Variants in CSMD3 observed in about 807,000 individuals in gnomAD.
CSMD3 encodes CUB and sushi domain-containing protein 3.
CSMD3 carries 177 observed loss-of-function variants against 435.2 expected under a neutral mutation model. That is an observed-to-expected ratio of 0.41 (90% CI 0.36 to 0.46). The LOEUF (loss-of-function observed/expected upper bound fraction) is 0.46, where lower values mean the gene tolerates loss of function less well. CSMD3 is among the 20% of genes least tolerant of loss of function. The probability of loss-of-function intolerance (pLI) is 0.34; values close to 1 mark genes in which losing one functional copy is unlikely to be tolerated. For missense variants in CSMD3, 4,265 were observed against 4,504.6 expected, an observed-to-expected ratio of 0.95 and a Z score of 1.52; for synonymous variants, 1,656 against 1,520.5, an observed-to-expected ratio of 1.09 and a Z score of -2.07.
intron 5 of CSMD3, among the ~76,000 whole-genome samples, chr8:113,041,885 G>A (rs760957525): frequency 2.0e-5 from 3 of 152,028 alleles, no homozygotes; most frequent in African/African-American, 4.8e-5. Flanking sequence ...TTCAAAGTAG[G>A]AGATGAGATA....
At chr8:112,491,135 A>G (rs1299607334) in intron 31 of CSMD3, among the ~76,000 whole-genome samples, 5 of 152,326 alleles carry the variant, frequency 3.3e-5, no homozygotes. Flanking sequence ...AATTGGGCAC[A>G]TGTAATTCTT....
At chr8:112,323,568 G>T (rs1338855078) in intron 45 of CSMD3, among the ~76,000 whole-genome samples, 2 of 152,092 alleles carry the variant, frequency 1.3e-5, no homozygotes, top group African/African-American at 4.8e-5. Context: ...ACACAGGTAA[G>T]ATGGTCATGT....
intron 13 of CSMD3, among the ~76,000 whole-genome samples, chr8:112,793,793 AAAG>A (rs1237043699): frequency 1.5e-4 from 23 of 152,304 alleles, no homozygotes; most frequent in African/African-American, 4.3e-4. Flanking sequence ...GTGATTGGTA[AAAG>A]AAGAAGTCAC....
intron 10 of CSMD3, among the ~76,000 whole-genome samples, chr8:112,917,049 T>C (rs184829177): frequency 6.6e-6 from 1 of 152,072 alleles, no homozygotes; most frequent in East Asian, 1.9e-4. Flanking sequence ...CATTTTTCCA[T>C]TGTTTATAAA....
intron 13 of CSMD3, among the ~76,000 whole-genome samples, chr8:112,763,389 G>A (rs1323254886): frequency 1.3e-5 from 2 of 151,012 alleles, no homozygotes; most frequent in Non-Finnish European, 3.0e-5. Flanking sequence ...ATAGAATATT[G>A]TTAGATAAAT....
At chr8:112,777,958 G>A (rs2078286499) in intron 13 of CSMD3, among the ~76,000 whole-genome samples, 1 of 151,732 alleles carries the variant, frequency 6.6e-6, no homozygotes, top group African/African-American at 2.4e-5. Context: ...GCCACCTTAA[G>A]CTTTCCAATG....
At chr8:112,735,913 T>C (rs1187466833) in intron 13 of CSMD3, among the ~76,000 whole-genome samples, 1 of 152,052 alleles carries the variant, frequency 6.6e-6, no homozygotes, top group African/African-American at 2.4e-5. Flanking sequence ...TTCTCATTCA[T>C]GCATCATCAT....
chr8:113,056,349 T>G (rs1298153281), intron 5 of CSMD3, among the ~76,000 whole-genome samples: 2 of 151,926 alleles, frequency 1.3e-5, no homozygotes, highest in African/African-American at 4.8e-5. Context: ...TGCACCATCC[T>G]AGTTATCATA....
chr8:112,682,553 T>G lies in CSMD3; in HGVS notation c.2566A>C (p.Ile856Leu), dbSNP rs755607132. The change falls in exon 16 of 71, where the codon ATT (isoleucine) becomes CTT (leucine). Residue 856 changes from isoleucine to leucine, a missense_variant. Ile to Leu is a conservative substitution (Grantham distance 5). Coordinates refer to ENST00000297405, the MANE Select transcript of CSMD3 (RefSeq NM_198123.2). Reference sequence around the variant, plus strand: ...AATCCTTCTTCACAAATAACTGAAATTGAACTTCCTAATTGAAAGTTGTCC... The same window carrying G: ...AATCCTTCTTCACAAATAACTGAAAGTGAACTTCCTAATTGAAAGTTGTCC... Reference protein sequence around the residue: ...FGDNFQLGSSISVICEEGFIK... With the variant: ...FGDNFQLGSSLSVICEEGFIK... 9 of 1,613,478 alleles carry G rather than the reference T, an allele frequency of 5.6e-6. No individual in the cohort carries two copies. The highest frequency in any genetic ancestry group is 7.6e-6 in the Non-Finnish European group (9 of 1,179,548).
At chr8:113,009,575 T>G (rs1004270217) in intron 6 of CSMD3, among the ~76,000 whole-genome samples, 1 of 151,796 alleles carries the variant, frequency 6.6e-6, no homozygotes, top group African/African-American at 2.4e-5. Context: ...CACTTGGAAA[T>G]CTGACAGAGT....
chr8:112,503,611 C>T (rs1469882340), intron 30 of CSMD3, among the ~76,000 whole-genome samples, 179 bp downstream of exon 30: 4 of 152,210 alleles, frequency 2.6e-5, no homozygotes, highest in South Asian at 4.1e-4. Flanking sequence ...ATGCTAATTT[C>T]CTTCCCACTA....
chr8:113,435,480 A>G lies in CSMD3; in HGVS notation c.178+1197T>C, dbSNP rs897546824. 3.3e-5 allele frequency among the ~76,000 whole-genome samples: 5 copies of G among 152,280 alleles called. No individual in the cohort carries two copies. In the South Asian group the frequency reaches 6.2e-4, roughly 19 times the overall value. On this transcript the variant is annotated intron_variant, in intron 1 of 70. Transcript: ENST00000297405. ...GGGGGGACAGCCAGCTGCAAGCTGG[A>G]CAATAAACTGTTTCATAGAGACGCG...
chr8:113,336,394 T>G (rs886190178), intron 1 of CSMD3, among the ~76,000 whole-genome samples: 1 of 152,156 alleles, frequency 6.6e-6, no homozygotes, highest in African/African-American at 2.4e-5. Context: ...AAAATCTTTG[T>G]GAGATAATTT....
chr8:112,742,115 A>G (rs2077326290), intron 13 of CSMD3, among the ~76,000 whole-genome samples: 1 of 151,290 alleles, frequency 6.6e-6, no homozygotes, highest in East Asian at 1.9e-4. Context: ...TTCCACCTCC[A>G]CCCCCTCCGC....
At chr8:112,829,897 A>G (rs1239777983) in intron 11 of CSMD3, 108 bp from the exon 12 acceptor site, 2 of 392,616 alleles carry the variant, frequency 5.1e-6, no homozygotes, top group Non-Finnish European at 8.9e-6. Flanking sequence ...ACACACACAC[A>G]CACACACACA....
At chr8:113,150,747 A>C (rs997982692) in intron 4 of CSMD3, among the ~76,000 whole-genome samples, 2 of 152,042 alleles carry the variant, frequency 1.3e-5, no homozygotes, top group East Asian at 1.9e-4. Flanking sequence ...TAATTTATTC[A>C]TTACCACTAT....
chr8:112,404,394 G>A (rs1308475523), intron 35 of CSMD3, among the ~76,000 whole-genome samples: 1 of 151,972 alleles, frequency 6.6e-6, no homozygotes, highest in Non-Finnish European at 1.5e-5. Context: ...GCCGAGCATG[G>A]TGGTGGGTGC....
chr8:113,046,832 T>C (rs564098646), intron 5 of CSMD3, among the ~76,000 whole-genome samples: 22 of 152,326 alleles, frequency 1.4e-4, no homozygotes, highest in Non-Finnish European at 2.6e-4. Flanking sequence ...TCTCACACTT[T>C]ACAGACGATG....
At chr8:112,473,117 G>T (rs1325799249) in intron 31 of CSMD3, among the ~76,000 whole-genome samples, 1 of 152,174 alleles carries the variant, frequency 6.6e-6, no homozygotes, top group Non-Finnish European at 1.5e-5. Flanking sequence ...GTGAGACATG[G>T]ATGGCTGTAC....
Sources: allele counts gnomAD v4.1 joint callset (sites outside exome capture counted in the v4.1 genomes callset), GRCh38; gene constraint gnomAD v4.1.1; transcripts MANE v1.5; gene names NCBI Gene and HGNC (gene_info 2026-07-23, HGNC 2026-07-21).